The following ORMDL3 variants were observed in gnomAD, a reference collection of about 807,000 sequenced individuals.
ORMDL3 encodes the protein ORM1-like protein 3.
ORMDL3 carries 6 observed loss-of-function variants against 12.6 expected under a neutral mutation model. The observed-to-expected ratio is 0.48, with a 90% CI of 0.26 to 0.94. ORMDL3 has a LOEUF of 0.94. Ranked by LOEUF, ORMDL3 falls within the 40% of genes least tolerant of loss-of-function variation. The pLI is 0.14. For missense variants in ORMDL3, 159 were observed against 205.5 expected, an observed-to-expected ratio of 0.77 and a Z score of 1.38; for synonymous variants, 99 against 87.2, an observed-to-expected ratio of 1.14 and a Z score of -0.75.
chr17:39,926,913 C>T (rs2144753084), intron 1 of ORMDL3: 2 of 985,992 alleles, frequency 2.0e-6, no homozygotes, highest in East Asian at 1.1e-4. Flanking sequence ...ATGTCCATTC[C>T]GCCCACCCCC....
chr17:39,927,521 C>T lies in ORMDL3; in HGVS notation c.-60G>A. The T allele has an allele frequency of 2.0e-6, 2 of 985,432 alleles. No individual in the cohort carries two copies. Among genetic ancestry groups the T allele is most frequent in the African/African-American group, 1.7e-5 (1 of 57,348 alleles). The allele number at this position is 985,432 out of a possible 1,614,324, so 61.0% of individuals were successfully genotyped here. A position where few individuals can be genotyped will look rare whatever the true frequency, so the allele number is the denominator to read the frequency against. On this transcript the variant is annotated 5_prime_UTR_variant, in exon 1 of 4. Coordinates refer to ENST00000304046, the MANE Select transcript of ORMDL3 (RefSeq NM_139280.4). Reference sequence around the variant, plus strand: ...AAGATCAACGGCCCGGGAACGGTTCCCGGGAGCGGGGGCCGCTGCTGCTCC... The same window carrying T: ...AAGATCAACGGCCCGGGAACGGTTCTCGGGAGCGGGGGCCGCTGCTGCTCC...
intron 2 of ORMDL3, 136 bp from the exon 3 acceptor site, chr17:39,923,399 G>C (rs1978312965): frequency 1.0e-6 from 1 of 990,714 alleles, no homozygotes; most frequent in Non-Finnish European, 1.5e-6. Flanking sequence ...ATGGGCTGGA[G>C]GTCAGGATGG....
intron 1 of ORMDL3, chr17:39,926,982 G>A (rs1978465892): frequency 1.0e-6 from 1 of 985,812 alleles, no homozygotes; most frequent in Non-Finnish European, 1.2e-6. Flanking sequence ...CCCGACTGGG[G>A]GAGGGCGGTA....
intron 1 of ORMDL3, chr17:39,925,786 TTC>T (rs1166537938): frequency 4.6e-5 from 7 of 152,218 alleles, no homozygotes; most frequent in African/African-American, 1.7e-4. Context: ...CTGGGGCGCA[TTC>T]TGATTGAAGA....
In ORMDL3 at chr17:39,924,140, T is replaced by C; in HGVS notation, c.64A>G (p.Ile22Val). The C allele has an allele frequency of 1.2e-6, 2 of 1,614,102 alleles. No homozygotes were observed. Among genetic ancestry groups the C allele is most frequent in the Middle Eastern group, 3.3e-4 (2 of 6,060 alleles). ...ATGGCCAGCACGTAGGAGAGCCAGA[T>C]GCCACGGCTGTTCATCACCCGCGTG... ...PNTRVMNSRGIWLSYVLAIGL... is the reference protein window; with the variant it reads ...PNTRVMNSRGVWLSYVLAIGL... Residue 22 changes from isoleucine (I) to valine (V), a missense_variant, in exon 2 of 4, where the codon ATC becomes GTC. Physicochemically the swap from Ile to Val is conservative, Grantham distance 29. Coordinates refer to ENST00000304046, the MANE Select transcript of ORMDL3 (RefSeq NM_139280.4).
rs528896290 is a variant in ORMDL3 at position 39,921,397 on chromosome 17, G to A, written c.*1153C>T. ...TTGCCCCTTCCTCTGTGCTGCTTGAGCAGGGATCCTACAGGACTCTCACCA... is the reference window on the plus strand; with the variant it reads ...TTGCCCCTTCCTCTGTGCTGCTTGAACAGGGATCCTACAGGACTCTCACCA... On this transcript the variant is annotated 3_prime_UTR_variant, in exon 4 of 4. Coordinates refer to ENST00000304046, the MANE Select transcript of ORMDL3 (RefSeq NM_139280.4). 4 of 152,544 alleles carry A rather than the reference G, an allele frequency of 2.6e-5. No homozygotes were observed. Among genetic ancestry groups the A allele is most frequent in the Middle Eastern group, 3.4e-3 (1 of 294 alleles). The allele number at this position is 152,544 out of a possible 1,614,324, so 9.4% of individuals were successfully genotyped here. A position where few individuals can be genotyped will look rare whatever the true frequency, so the allele number is the denominator to read the frequency against.
At chr17:39,923,290 A>G in intron 2 of ORMDL3, 27 bp from the exon 3 acceptor site, 1 of 1,612,770 alleles carries the variant, frequency 6.2e-7, no homozygotes. Context: ...TTGTTAGAGG[A>G]TACAAAAGGG....
rs1004861843 is a variant in ORMDL3 at position 39,927,569 on chromosome 17, T to C, written c.-108A>G. 3 of 985,484 alleles carry C rather than the reference T, an allele frequency of 3.0e-6. No individual in the cohort carries two copies. The highest frequency in any genetic ancestry group is 9.4e-5 in the South Asian group (2 of 21,308). 61.0% of individuals were successfully genotyped at this position (985,484 alleles called of 1,614,324 possible). A position where few individuals can be genotyped will look rare whatever the true frequency, so the allele number is the denominator to read the frequency against. ...TCCAGCAGCTGTAACAACCCGCGGC[T>C]GCAGCCTCCCCGCTGGCAGCTCCGG... is the stretch of plus-strand genomic sequence containing the variant. On this transcript the variant is annotated 5_prime_UTR_variant, in exon 1 of 4. Coordinates refer to ENST00000304046, the MANE Select transcript of ORMDL3 (RefSeq NM_139280.4).
chr17:39,927,448 G>A (rs927458862), intron 1 of ORMDL3, 36 bp downstream of exon 1: 1 of 983,668 alleles, frequency 1.0e-6, no homozygotes, highest in Non-Finnish European at 1.2e-6. Context: ...CGCCCCTCCC[G>A]TAGCCCTGGG....
intron 2 of ORMDL3, 58 bp from the exon 3 acceptor site, chr17:39,923,321 C>A (rs1040257364): frequency 2.2e-5 from 34 of 1,572,398 alleles, no homozygotes; most frequent in Middle Eastern, 1.7e-4. Flanking sequence ...CTGCCCAGCT[C>A]CTCCACCCAG....
chr17:39,922,549 C>G lies in ORMDL3; in HGVS notation c.*1G>C. ...CCTGGGCAGGGGAAGGGGCTGCACTCTCAGTACTTATTGATTCCAAAAATC... is the reference window on the plus strand; with the variant it reads ...CCTGGGCAGGGGAAGGGGCTGCACTGTCAGTACTTATTGATTCCAAAAATC... On this transcript the variant is annotated 3_prime_UTR_variant, in exon 4 of 4. Transcript: ENST00000304046. The G allele has an allele frequency of 6.2e-7, 1 of 1,613,856 alleles. No individual in the cohort carries two copies. Among genetic ancestry groups the G allele is most frequent in the South Asian group, 1.1e-5 (1 of 91,056 alleles).
At chr17:39,924,353 G>A in intron 1 of ORMDL3, 128 bp from the exon 2 acceptor site, 1 of 859,000 alleles carries the variant, frequency 1.2e-6, no homozygotes, top group Non-Finnish European at 1.7e-6. Flanking sequence ...TTTTGATTCT[G>A]AAGCATGGAA....
At position 39,927,593 on chromosome 17, in the gene ORMDL3, G is replaced by T. The variant is rs1191805707; in HGVS notation, c.-132C>A. ...CTGCAGCCTCCCCGCTGGCAGCTCC[G>T]GCCGAATCAGCGCTCCGCGCCGGTC... On this transcript the variant is annotated 5_prime_UTR_variant, in exon 1 of 4. Transcript: ENST00000304046. 1.2e-5 allele frequency: 12 copies of T among 985,728 alleles called. No individual in the cohort carries two copies. The South Asian group carries it at 4.7e-4, about 38-fold the overall frequency. 61.1% of individuals were successfully genotyped at this position (985,728 alleles called of 1,614,324 possible).
chr17:39,923,151 G>A lies in ORMDL3; in HGVS notation c.287C>T (p.Thr96Met), dbSNP rs200735199. ...GATGGTCAAGAACTTCCGAGAGGCC[G>A]TGAACTGGACCCCATAATCCATCTG... ...WEQMDYGVQF[T>M]ASRKFLTITP... Residue 96 changes from threonine (T) to methionine (M), a missense_variant, in exon 3 of 4, where the codon ACG becomes ATG. By Grantham distance (81) the Thr-to-Met change is moderately conservative. Coordinates refer to ENST00000304046, the MANE Select transcript of ORMDL3 (RefSeq NM_139280.4). 1.5e-5 allele frequency: 24 copies of A among 1,614,110 alleles called. No individual in the cohort carries two copies. The highest frequency in any genetic ancestry group is 5.3e-5 in the African/African-American group (4 of 74,934).
Position 39,927,487 on chromosome 17 carries a change from G to C in ORMDL3, c.-26C>G. On this transcript the variant is annotated 5_prime_UTR_variant, in exon 1 of 4. Coordinates refer to ENST00000304046, the MANE Select transcript of ORMDL3 (RefSeq NM_139280.4). ...TCTTGGTTCCTTCCGGGCTCACCGTGTGGGGCCGAAGATCAACGGCCCGGG... is the reference window on the plus strand; with the variant it reads ...TCTTGGTTCCTTCCGGGCTCACCGTCTGGGGCCGAAGATCAACGGCCCGGG... 1 of 985,354 alleles carries C rather than the reference G, an allele frequency of 1.0e-6. No homozygotes were observed. The highest frequency in any genetic ancestry group is 1.2e-6 in the Non-Finnish European group (1 of 829,936). 61.0% of individuals were successfully genotyped at this position (985,354 alleles called of 1,614,324 possible). A position where few individuals can be genotyped will look rare whatever the true frequency, so the allele number is the denominator to read the frequency against.
In ORMDL3 at chr17:39,924,083, G is replaced by T; in HGVS notation, c.121C>A (p.Pro41Thr). The change falls in exon 2 of 4, where the codon CCG becomes ACG. Residue 41 changes from proline (P) to threonine (T), a missense_variant. Physicochemically the swap from Pro to Thr is conservative, Grantham distance 38 (BLOSUM62 -1). Transcript: ENST00000304046. The stretch of plus-strand genomic sequence containing the variant: ...CAGACGACAGGGACACTCACAAACG[G>T]GATGCTCAGCAGCACGATGTGGAGG... ...GLLHIVLLSI[P>T]FVSVPVVWTL... 6.2e-7 allele frequency: 1 copy of T among 1,613,878 alleles called. No individual in the cohort carries two copies.
chr17:39,925,094 T>C (rs985998418), intron 1 of ORMDL3: 2 of 152,272 alleles, frequency 1.3e-5, no homozygotes, highest in African/African-American at 2.4e-5. Flanking sequence ...CCTCAACATA[T>C]GTCTCCTAAG....
chr17:39,927,594 G>A lies in ORMDL3; in HGVS notation c.-133C>T, dbSNP rs565788723. 73 of 985,874 alleles carry A rather than the reference G, an allele frequency of 7.4e-5. No homozygotes were observed. The African/African-American group carries it at 1.0e-3, about 14-fold the overall frequency. 61.1% of individuals were successfully genotyped at this position (985,874 alleles called of 1,614,324 possible). ...TGCAGCCTCCCCGCTGGCAGCTCCG[G>A]CCGAATCAGCGCTCCGCGCCGGTCC... is the stretch of plus-strand genomic sequence containing the variant. On this transcript the variant is annotated 5_prime_UTR_variant, in exon 1 of 4. Transcript: ENST00000304046.
At chr17:39,926,875 G>C in intron 1 of ORMDL3, 1 of 986,110 alleles carries the variant, frequency 1.0e-6, no homozygotes, top group Non-Finnish European at 1.2e-6. Flanking sequence ...ACCCCAACGG[G>C]GAGTCCGGGG....
Sources: gnomAD v4.1 joint callset for allele counts on GRCh38, gnomAD v4.1.1 for gene constraint, MANE v1.5 for transcripts, NCBI Gene and HGNC (gene_info 2026-07-23, HGNC 2026-07-21) for gene names.